The following IMMP2L variants were observed in gnomAD, a reference collection of about 807,000 sequenced individuals.
IMMP2L encodes the protein mitochondrial inner membrane protease subunit 2.
IMMP2L carries 18 observed loss-of-function variants against 19.3 expected under a neutral mutation model. The observed-to-expected ratio is 0.93, with a 90% CI of 0.64 to 1.38. IMMP2L has a LOEUF of 1.38. Among genes scored for constraint, IMMP2L ranks in the 40% most tolerant of loss-of-function variants. The pLI is 0.00. For synonymous variants in IMMP2L, 76 were observed against 73.0 expected (o/e 1.04, Z -0.21); for missense variants, 233 against 218.2 (o/e 1.07, Z -0.43).
At chr7:111,272,454 A>G (rs1380969327) in intron 3 of IMMP2L, among the ~76,000 whole-genome samples, 1 of 152,186 alleles carries the variant, frequency 6.6e-6, no homozygotes, top group Non-Finnish European at 1.5e-5. Flanking sequence ...ATGATTAAAC[A>G]CACTGAAAAT....
At chr7:110,844,435 G>C (rs1471495182) in intron 5 of IMMP2L, among the ~76,000 whole-genome samples, 1 of 151,956 alleles carries the variant, frequency 6.6e-6, no homozygotes, top group East Asian at 1.9e-4. Context: ...AGTCATAGAA[G>C]AGTTCAGTAT....
At chr7:111,487,372 T>C in intron 2 of IMMP2L, 31 bp from the exon 3 acceptor site, 1 of 1,258,802 alleles carries the variant, frequency 7.9e-7, no homozygotes, top group Non-Finnish European at 1.2e-6. Flanking sequence ...GACACTTCTA[T>C]CATTTGTATT....
chr7:111,307,889 A>T (rs916741568), intron 3 of IMMP2L, among the ~76,000 whole-genome samples: 1 of 151,964 alleles, frequency 6.6e-6, no homozygotes, highest in Non-Finnish European at 1.5e-5. Flanking sequence ...AATACAAAAC[A>T]GTAAAATTCA....
intron 2 of IMMP2L, among the ~76,000 whole-genome samples, chr7:111,514,415 T>C (rs181575162): frequency 3.8e-4 from 58 of 152,174 alleles, no homozygotes; most frequent in African/African-American, 1.3e-3. Flanking sequence ...ATATACCTAA[T>C]GTAAATGACG....
intron 3 of IMMP2L, among the ~76,000 whole-genome samples, chr7:111,315,515 A>C (rs1823967019): frequency 6.6e-6 from 1 of 152,078 alleles, no homozygotes; most frequent in Admixed American, 6.5e-5. Flanking sequence ...TTTCTTAAAA[A>C]TTTACGTGGA....
At chr7:110,933,612 T>C (rs973464765) in intron 4 of IMMP2L, among the ~76,000 whole-genome samples, 2 of 152,340 alleles carry the variant, frequency 1.3e-5, no homozygotes, top group East Asian at 1.9e-4. Flanking sequence ...CGTTTCATCA[T>C]TGATGCTCAG....
At chr7:111,279,149 T>C (rs562884245) in intron 3 of IMMP2L, among the ~76,000 whole-genome samples, 2 of 152,308 alleles carry the variant, frequency 1.3e-5, no homozygotes, top group South Asian at 4.1e-4. Flanking sequence ...CAGCAGAGGC[T>C]ATTTTATGGA....
intron 3 of IMMP2L, among the ~76,000 whole-genome samples, chr7:111,451,627 G>A (rs1839195440): frequency 6.7e-6 from 1 of 150,294 alleles, no homozygotes; most frequent in African/African-American, 2.5e-5. Context: ...ACGAGTTAGG[G>A]GGTGCAGCGC....
intron 5 of IMMP2L, among the ~76,000 whole-genome samples, chr7:110,784,700 A>G (rs1273582502): frequency 6.6e-6 from 1 of 151,928 alleles, no homozygotes; most frequent in African/African-American, 2.4e-5. Context: ...TTAGCTGCAC[A>G]TTGAAATCAC....
intron 1 of IMMP2L, among the ~76,000 whole-genome samples, chr7:111,555,318 C>G (rs1178022578): frequency 1.3e-5 from 2 of 151,960 alleles, no homozygotes; most frequent in Admixed American, 6.6e-5. Context: ...GTAGTGAGAG[C>G]AAGACAGCAG....
chr7:111,176,202 G>T (rs901877655), intron 3 of IMMP2L, among the ~76,000 whole-genome samples: 2 of 151,970 alleles, frequency 1.3e-5, no homozygotes, highest in African/African-American at 4.8e-5. Flanking sequence ...ATGTAGAACA[G>T]TTTGAAGGCC....
At chr7:110,724,465 A>T (rs1402892650) in intron 5 of IMMP2L, 1 of 152,192 alleles carries the variant, frequency 6.6e-6, no homozygotes, top group Non-Finnish European at 1.5e-5. Flanking sequence ...ATTCAGGAAC[A>T]TTCTGGAACC....
chr7:110,918,292 T>C (rs1265526145), intron 4 of IMMP2L, among the ~76,000 whole-genome samples: 1 of 152,142 alleles, frequency 6.6e-6, no homozygotes, highest in Non-Finnish European at 1.5e-5. Flanking sequence ...TTAAGTAATT[T>C]GCATTTAGAC....
intron 3 of IMMP2L, among the ~76,000 whole-genome samples, chr7:111,026,013 AACAC>A (rs144001447): frequency 5.4e-5 from 8 of 148,608 alleles, no homozygotes; most frequent in Admixed American, 1.3e-4. Context: ...GCTAATATTA[AACAC>A]ACACACACAC....
chr7:111,483,679 CA>C (rs1048494570), intron 3 of IMMP2L: 2 of 152,166 alleles, frequency 1.3e-5, no homozygotes, highest in African/African-American at 4.8e-5. Context: ...CAACTCTGAA[CA>C]AAACCCCTTG....
chr7:110,997,289 C>G (rs1823139021), intron 3 of IMMP2L, among the ~76,000 whole-genome samples: 1 of 152,042 alleles, frequency 6.6e-6, no homozygotes, highest in Non-Finnish European at 1.5e-5. Flanking sequence ...TGTTTAACCA[C>G]TCACCTGTTG....
At chr7:111,322,930 T>G (rs1233495905) in intron 3 of IMMP2L, among the ~76,000 whole-genome samples, 1 of 149,660 alleles carries the variant, frequency 6.7e-6, no homozygotes, top group Non-Finnish European at 1.5e-5. Flanking sequence ...CTTACATAAT[T>G]TTTTTTTTAC....
intron 4 of IMMP2L, among the ~76,000 whole-genome samples, chr7:110,938,937 A>G (rs1816408627): frequency 6.6e-6 from 1 of 152,174 alleles, no homozygotes. Context: ...TAAGCTTCTA[A>G]TAGTACAGAT....
chr7:111,120,031 C>A (rs1025411694), intron 3 of IMMP2L, among the ~76,000 whole-genome samples: 1 of 152,064 alleles, frequency 6.6e-6, no homozygotes, highest in Non-Finnish European at 1.5e-5. Context: ...AGTGATGCAA[C>A]CATAGCTCTA....
Sources: allele counts gnomAD v4.1 joint callset (sites outside exome capture counted in the v4.1 genomes callset), GRCh38; gene constraint gnomAD v4.1.1; transcripts MANE v1.5; gene names NCBI Gene and HGNC (gene_info 2026-07-23, HGNC 2026-07-21).